MAP3K15: variants seen among roughly 807,000 people sequenced by gnomAD.
The protein encoded by MAP3K15 is MAPK/ERK kinase kinase 15.
In MAP3K15, 124 loss-of-function variants were observed where a neutral mutation model predicts 99.5. The ratio of observed to expected loss-of-function variants is 1.25; its 90% CI spans 1.08 to 1.45. The LOEUF is 1.45. Among genes scored for constraint, MAP3K15 ranks in the 40% most tolerant of loss-of-function variants. The pLI is 0.00. For synonymous variants in MAP3K15, 494 were observed against 439.6 expected (o/e 1.12, Z -1.55); for missense variants, 1,242 against 1,079.7 (o/e 1.15, Z -2.11).
In MAP3K15 at chrX:19,449,089, T is replaced by C. The variant is rs747354895; in HGVS notation, c.995+7824A>G. Among the ~76,000 whole-genome samples, 15 of 109,561 alleles carry C rather than the reference T, an allele frequency of 1.4e-4. 2 individuals are homozygous for C. Among genetic ancestry groups the C allele is most frequent in the Non-Finnish European group, 2.7e-4 (14 of 51,796 alleles). Reference sequence around the variant, plus strand: ...CTTTTTGGCCACATTACAAGCAGTTTTTCTTGTCTACTTTAAGCAACCATA... The same window carrying C: ...CTTTTTGGCCACATTACAAGCAGTTCTTCTTGTCTACTTTAAGCAACCATA... On this transcript the variant is annotated intron_variant, in intron 6 of 28. Transcript: ENST00000338883.
chrX:19,433,356 G>A (rs2063898396), intron 6 of MAP3K15, among the ~76,000 whole-genome samples: 1 of 111,575 alleles, frequency 9.0e-6, no homozygotes, highest in African/African-American at 3.3e-5. Context: ...GTGGCATCAC[G>A]CAATCCATTG....
chrX:19,466,932 G>C lies in MAP3K15; in HGVS notation c.526-2526C>G, dbSNP rs188308093. On this transcript the variant is annotated intron_variant, in intron 3 of 28. Coordinates refer to ENST00000338883, the MANE Select transcript of MAP3K15 (RefSeq NM_001001671.4). The stretch of plus-strand genomic sequence containing the variant: ...GGCCCATGGACCACATATGGCCCAG[G>C]ATGGCTTTGAATGTGGCCCAACACA... 5.5e-3 allele frequency among the ~76,000 whole-genome samples: 616 copies of C among 111,533 alleles called. 1 individual carries two copies. Among genetic ancestry groups the C allele is most frequent in the Non-Finnish European group, 8.3e-3 (440 of 53,116 alleles).
rs771921808 is a variant in MAP3K15, at chrX:19,369,130, C to T, written c.3490G>A (p.Gly1164Arg). ...EAEEGYPPAT[G>R]PGQEAQPHQQ... Reference sequence around the variant, plus strand: ...TGGGGCTGGGCCTCCTGGCCAGGTCCGGTGGCTGGGGGATAGCCCTCTTCC... The same window carrying T: ...TGGGGCTGGGCCTCCTGGCCAGGTCTGGTGGCTGGGGGATAGCCCTCTTCC... The change falls in exon 25 of 29, where the codon GGA becomes AGA. Residue 1164 changes from glycine (G) to arginine (R), a missense_variant. By Grantham distance (125) the Gly-to-Arg change is moderately radical. Coordinates refer to ENST00000338883, the MANE Select transcript of MAP3K15 (RefSeq NM_001001671.4). 2.4e-5 allele frequency: 29 copies of T among 1,209,123 alleles called. No homozygotes were observed. In the South Asian group the frequency reaches 3.2e-4, roughly 13 times the overall value.
At chrX:19,474,890 T>C (rs1291569124) in intron 3 of MAP3K15, among the ~76,000 whole-genome samples, 2 of 110,776 alleles carry the variant, frequency 1.8e-5, no homozygotes, top group East Asian at 5.6e-4. Flanking sequence ...ATATGAAGGG[T>C]CTCCTTTGTA....
intron 24 of MAP3K15, 71 bp downstream of exon 24, chrX:19,370,888 G>C: frequency 1.3e-6 from 1 of 794,184 alleles, no homozygotes. Context: ...AGCAACAACT[G>C]TTGAATGAAG....
intron 25 of MAP3K15, among the ~76,000 whole-genome samples, chrX:19,368,740 T>C (rs2063352872): frequency 9.0e-6 from 1 of 111,361 alleles, no homozygotes; most frequent in Non-Finnish European, 1.9e-5. Context: ...GGCCCCGTCT[T>C]GGTGAAAAGA....
chrX:19,415,727 A>T (rs1345538188), intron 9 of MAP3K15, among the ~76,000 whole-genome samples: 4 of 111,405 alleles, frequency 3.6e-5, no homozygotes, highest in Non-Finnish European at 7.5e-5. Flanking sequence ...ATAAAAAAAA[A>T]AATTAGAAAA....
At chrX:19,495,637 C>T (rs900042597) in intron 1 of MAP3K15, among the ~76,000 whole-genome samples, 2 of 111,228 alleles carry the variant, frequency 1.8e-5, no homozygotes, top group African/African-American at 6.5e-5. Context: ...ATGCCAACTA[C>T]GTTTTACTCA....
chrX:19,432,480 AGGAG>A (rs1457832136), intron 6 of MAP3K15, among the ~76,000 whole-genome samples: 1 of 106,497 alleles, frequency 9.4e-6, no homozygotes, highest in Non-Finnish European at 1.9e-5. Context: ...ACTTGAACCC[AGGAG>A]GCAGAGGTGG....
intron 3 of MAP3K15, chrX:19,482,185 A>G (rs1253209648): frequency 9.3e-6 from 1 of 107,812 alleles, no homozygotes; most frequent in Admixed American, 1.0e-4. Flanking sequence ...AGCTCAAAAA[A>G]AAAAAAAAAA....
Position 19,392,085 on chromosome X carries a change from G to T in MAP3K15, c.2348C>A (p.Thr783Asn). The T allele has an allele frequency of 8.3e-7, 1 of 1,209,614 alleles. No individual in the cohort carries two copies. The highest frequency in any genetic ancestry group is 1.1e-6 in the Non-Finnish European group (1 of 893,566). The change falls in exon 18 of 29, where the codon ACC becomes AAC. Residue 783 changes from threonine (T) to asparagine (N), a missense_variant. Transcript: ENST00000338883. ...GGAGATTTTCACCACTCCGCTGTAG[G>T]TGTTCACCAGAACATTATCGCCCTT... ...DIKGDNVLVN[T>N]YSGVVKISDF...
At chrX:19,470,840 A>G (rs374764736) in intron 3 of MAP3K15, among the ~76,000 whole-genome samples, 9 of 112,299 alleles carry the variant, frequency 8.0e-5, no homozygotes, top group African/African-American at 2.9e-4. Flanking sequence ...GTAGCAGACA[A>G]TGACTTGAAA....
At chrX:19,408,879 T>C (rs761414431) in intron 12 of MAP3K15, among the ~76,000 whole-genome samples, 10 of 111,332 alleles carry the variant, frequency 9.0e-5, no homozygotes, top group Non-Finnish European at 1.7e-4. Context: ...TACTGTGTCC[T>C]GATATTTTCC....
At chrX:19,423,117 G>A (rs1261240342) in intron 9 of MAP3K15, among the ~76,000 whole-genome samples, 1 of 110,209 alleles carries the variant, frequency 9.1e-6, no homozygotes, top group Non-Finnish European at 1.9e-5. Context: ...CATGGCACAT[G>A]TATAGATATG....
At chrX:19,480,941 C>G (rs890923851) in intron 3 of MAP3K15, among the ~76,000 whole-genome samples, 9 of 107,883 alleles carry the variant, frequency 8.3e-5, no homozygotes, top group Non-Finnish European at 1.5e-4. Context: ...ATGGCAAAAC[C>G]CCATCTCTAC....
chrX:19,366,890 C>T (rs750569151), intron 25 of MAP3K15, among the ~76,000 whole-genome samples: 13 of 111,658 alleles, frequency 1.2e-4, no homozygotes, highest in South Asian at 7.6e-4. Flanking sequence ...CAATGACTAT[C>T]GACAGTGGAG....
chrX:19,431,153 G>A (rs1036900299), intron 7 of MAP3K15, among the ~76,000 whole-genome samples: 2 of 111,696 alleles, frequency 1.8e-5, no homozygotes, highest in African/African-American at 3.3e-5. Flanking sequence ...CCTGGTGGTG[G>A]TGGACAAGGC....
At chrX:19,382,529 C>T (rs1409832849) in intron 18 of MAP3K15, among the ~76,000 whole-genome samples, 2 of 111,872 alleles carry the variant, frequency 1.8e-5, no homozygotes, top group Non-Finnish European at 3.8e-5. Context: ...TAATTGTATT[C>T]AATTACAAGT....
chrX:19,504,638 A>C (rs1363594177), intron 1 of MAP3K15, among the ~76,000 whole-genome samples: 1 of 111,981 alleles, frequency 8.9e-6, no homozygotes, highest in African/African-American at 3.2e-5. Flanking sequence ...AAAAACTAAC[A>C]ATCACTACAG....
Sources: gnomAD v4.1 joint callset for allele counts (sites outside exome capture counted in the v4.1 genomes callset) on GRCh38, gnomAD v4.1.1 for gene constraint, MANE v1.5 for transcripts, NCBI Gene and HGNC (gene_info 2026-07-23, HGNC 2026-07-21) for gene names.